Variants in ATP8A1 observed in about 807,000 individuals in gnomAD.
ATP8A1 encodes phospholipid-transporting ATPase IA.
Under a neutral mutation model 177.7 loss-of-function variants are expected in ATP8A1, and 90 were observed. The ratio of observed to expected loss-of-function variants is 0.51; its 90% CI spans 0.43 to 0.60. The LOEUF (loss-of-function observed/expected upper bound fraction) is 0.60. Ranked by LOEUF, ATP8A1 falls within the 20% of genes least tolerant of loss-of-function variation. The probability of loss-of-function intolerance (pLI) is 0.00; values close to 1 mark genes in which losing one functional copy is unlikely to be tolerated. For synonymous variants in ATP8A1, 493 were observed against 485.9 expected (o/e 1.01, Z -0.19); for missense variants, 1,072 against 1,392.8 (o/e 0.77, Z 3.67).
chr4:42,591,848 A>G (rs1734213104), intron 6 of ATP8A1, among the ~76,000 whole-genome samples: 2 of 152,168 alleles, frequency 1.3e-5, no homozygotes, highest in African/African-American at 4.8e-5. Flanking sequence ...TGAAAATTAA[A>G]ATATTATAAA....
At chr4:42,635,348 ATATC>A (rs146798301) in intron 1 of ATP8A1, among the ~76,000 whole-genome samples, 2,762 of 152,208 alleles carry the variant, frequency 0.018, 82 homozygotes, top group African/African-American at 0.057. Context: ...TGGAATCAGA[ATATC>A]TATTATATTA....
chr4:42,545,861 C>T lies in ATP8A1; in HGVS notation c.1653-1875G>A, dbSNP rs1728858193. ...TGGTGATGTGCACCTGCAATCCCAG[C>T]TACTTAGGAGGCTGAGGCATGAGAA... On this transcript the variant is annotated intron_variant, in intron 19 of 36. Transcript: ENST00000381668. Among the ~76,000 whole-genome samples the T allele has an allele frequency of 2.0e-5, 3 of 152,094 alleles. No individual in the cohort carries two copies. In the South Asian group the frequency reaches 6.2e-4, roughly 32 times the overall value.
At chr4:42,444,941 G>GAACAGC (rs1456155140) in intron 31 of ATP8A1, among the ~76,000 whole-genome samples, 1 of 152,152 alleles carries the variant, frequency 6.6e-6, no homozygotes, top group Non-Finnish European at 1.5e-5. Context: ...TACAATTCAT[G>GAACAGC]AACAGCAACA....
chr4:42,500,850 T>C (rs974309416), intron 24 of ATP8A1, among the ~76,000 whole-genome samples: 4 of 152,202 alleles, frequency 2.6e-5, no homozygotes, highest in African/African-American at 7.2e-5. Context: ...TTAAAAATGC[T>C]GAAGAGTTAT....
chr4:42,570,315 C>T (rs2109315767), intron 14 of ATP8A1, among the ~76,000 whole-genome samples: 1 of 152,256 alleles, frequency 6.6e-6, no homozygotes, highest in Middle Eastern at 3.4e-3. Flanking sequence ...CTAATCAAGC[C>T]CTTTGTGGGC....
intron 24 of ATP8A1, 60 bp from the exon 25 acceptor site, chr4:42,485,728 T>A: frequency 7.0e-7 from 1 of 1,422,642 alleles, no homozygotes; most frequent in Non-Finnish European, 9.5e-7. Context: ...TCTACTAGGA[T>A]GCCTTAAGGA....
At chr4:42,545,466 G>T (rs1231695643) in intron 19 of ATP8A1, among the ~76,000 whole-genome samples, 1 of 152,172 alleles carries the variant, frequency 6.6e-6, no homozygotes, top group Non-Finnish European at 1.5e-5. Context: ...TGTTGCTGAA[G>T]AAAAGTTACC....
chr4:42,515,894 A>C (rs1052486327), intron 22 of ATP8A1, among the ~76,000 whole-genome samples: 2 of 152,246 alleles, frequency 1.3e-5, no homozygotes, highest in African/African-American at 4.8e-5. Context: ...GAACGAATCT[A>C]AACTTCTAAA....
chr4:42,412,951 A>G lies in ATP8A1; in HGVS notation c.3460T>C (p.Tyr1154His). 6.2e-7 allele frequency: 1 copy of G among 1,613,612 alleles called. No individual in the cohort carries two copies. The highest frequency in any genetic ancestry group is 8.5e-7 in the Non-Finnish European group (1 of 1,179,666). ...IVSQSEVIRA[Y>H]DTTKQRPDEW is the part of the protein sequence containing the mutation. ...TCGGGCCTCTGTTTCGTGGTATCAT[A>G]TGCTCTTATCACTTCAGACTGTGAA... The change falls in exon 37 of 37, where the codon TAT (tyrosine) becomes CAT (histidine). Residue 1154 changes from tyrosine (Y) to histidine (H), a missense_variant. Tyr to His is a moderately conservative substitution (Grantham distance 83). Around this residue, in one of 5 missense-constraint regions of ATP8A1, gnomAD observed 316 missense variants for 459.1 expected, o/e 0.69. Transcript: ENST00000381668.
At chr4:42,608,928 A>G (rs922818799) in intron 5 of ATP8A1, among the ~76,000 whole-genome samples, 5 of 152,200 alleles carry the variant, frequency 3.3e-5, no homozygotes, top group Admixed American at 3.3e-4. Flanking sequence ...CTTTAAGGCA[A>G]AAGCCTCAGT....
intron 1 of ATP8A1, 123 bp from the exon 2 acceptor site, chr4:42,627,232 T>A: frequency 1.5e-6 from 1 of 646,032 alleles, no homozygotes; most frequent in Non-Finnish European, 2.6e-6. Flanking sequence ...AACTGTTGTT[T>A]CTTTTATAAT....
intron 27 of ATP8A1, among the ~76,000 whole-genome samples, chr4:42,460,131 G>C (rs1718943821): frequency 6.6e-6 from 1 of 152,016 alleles, no homozygotes; most frequent in East Asian, 1.9e-4. Flanking sequence ...AACCTTTTTA[G>C]TGACCATTAC....
chr4:42,555,968 A>C lies in ATP8A1; in HGVS notation c.1413T>G (p.His471Gln), dbSNP rs1488025627. 1.9e-6 allele frequency: 3 copies of C among 1,598,530 alleles called. No homozygotes were observed. The African/African-American group carries it at 4.0e-5, about 21-fold the overall frequency. Residue 471 changes from histidine to glutamine, a missense_variant and splice_region_variant, in exon 16 of 37, where the codon CAT (histidine) becomes CAG (glutamine). Coordinates refer to ENST00000381668, the MANE Select transcript of ATP8A1 (RefSeq NM_006095.2). The stretch of plus-strand genomic sequence containing the variant: ...AAGACAATGGTTTTATGTAACTTAC[A>C]TGATTATTTTGGAGATTTTCCAGCA... ...SSLLENLQNN[H>Q]PTAPIICEFL...
At position 42,588,559 on chromosome 4, in the gene ATP8A1, A is replaced by G. The variant is rs1420841506; in HGVS notation, c.525-230T>C. The G allele has an allele frequency of 1.1e-5, 5 of 436,114 alleles. No homozygotes were observed. The East Asian group carries it at 2.0e-4, about 18-fold the overall frequency. 27.0% of individuals were successfully genotyped at this position (436,114 alleles called of 1,614,324 possible). ...AAGGACCCAAAAGCAATTTCCTGACAACAATCAGTAATGGTCTTCAAGATA... is the reference window on the plus strand; with the variant it reads ...AAGGACCCAAAAGCAATTTCCTGACGACAATCAGTAATGGTCTTCAAGATA... On this transcript the variant is annotated intron_variant, in intron 7 of 36. Transcript: ENST00000381668.
intron 18 of ATP8A1, among the ~76,000 whole-genome samples, chr4:42,550,373 T>C (rs1296428302): frequency 6.6e-6 from 1 of 152,196 alleles, no homozygotes; most frequent in Non-Finnish European, 1.5e-5. Context: ...GTTTGGTTTC[T>C]AGTTTTTGGC....
At chr4:42,418,516 T>C (rs1713505166) in intron 35 of ATP8A1, among the ~76,000 whole-genome samples, 1 of 152,214 alleles carries the variant, frequency 6.6e-6, no homozygotes, top group Non-Finnish European at 1.5e-5. Flanking sequence ...TTTACTTTTT[T>C]TAAAGTACAA....
intron 33 of ATP8A1, among the ~76,000 whole-genome samples, chr4:42,436,321 G>A (rs1343169032): frequency 1.3e-5 from 2 of 150,928 alleles, no homozygotes; most frequent in South Asian, 2.1e-4. Context: ...TTAGACGCTC[G>A]ATCTACACTT....
Position 42,625,661 on chromosome 4 carries a change from A to T in ATP8A1, c.217T>A (p.Phe73Ile). The T allele has an allele frequency of 6.2e-7, 1 of 1,609,614 alleles. No individual in the cohort carries two copies. The highest frequency in any genetic ancestry group is 8.5e-7 in the Non-Finnish European group (1 of 1,177,798). The change falls in exon 3 of 37, where the codon TTC (phenylalanine) becomes ATC (isoleucine). Residue 73 changes from phenylalanine to isoleucine, a missense_variant. Phe to Ile is a conservative substitution (Grantham distance 21, BLOSUM62 0). This residue lies in a region of ATP8A1 where 344 missense variants were observed against 393.5 expected (regional missense o/e 0.87). Coordinates refer to ENST00000381668, the MANE Select transcript of ATP8A1 (RefSeq NM_006095.2). ...AAAAATGAATTAGCAGCTCTTCTGA[A>T]CTGAGAGTAGAGAAATCTTGGAAGG... is the stretch of plus-strand genomic sequence containing the variant. ...TFLPRFLYSQFRRAANSFFLF... is the reference protein window; with the variant it reads ...TFLPRFLYSQIRRAANSFFLF...
Position 42,520,355 on chromosome 4 carries a change from A to AT in ATP8A1, c.1947+1804dup, listed in dbSNP as rs997137629. On this transcript the variant is annotated intron_variant, in intron 22 of 36. Coordinates refer to ENST00000381668, the MANE Select transcript of ATP8A1 (RefSeq NM_006095.2). ...AGGAAAAACATCATTTCCAAACTGG[A>AT]TTTTTTTTTTTTAATTCTTAAAAGA... Among the ~76,000 whole-genome samples, 889 of 148,080 alleles carry AT rather than the reference A, an allele frequency of 6.0e-3. 8 individuals are homozygous for AT. Among genetic ancestry groups the AT allele is most frequent in the African/African-American group, 0.019 (773 of 40,754 alleles).
Sources: gnomAD v4.1 joint callset for allele counts (sites outside exome capture counted in the v4.1 genomes callset) on GRCh38, gnomAD v4.1.1 for gene constraint, gnomAD v4.1.1 regional missense constraint, MANE v1.5 for transcripts, NCBI Gene and HGNC (gene_info 2026-07-23, HGNC 2026-07-21) for gene names.